INPP4B: variants seen among roughly 807,000 people sequenced by gnomAD.
INPP4B encodes the protein inositol polyphosphate-4-phosphatase type II B.
INPP4B carries 55 observed loss-of-function variants against 122.5 expected under a neutral mutation model. That is an observed-to-expected ratio of 0.45 (90% confidence interval 0.36 to 0.56). INPP4B has a LOEUF of 0.56. Among genes scored for constraint, INPP4B ranks in the 20% least tolerant of loss-of-function variants. The pLI is 0.00. For synonymous variants in INPP4B, 403 were observed against 388.7 expected, an observed-to-expected ratio of 1.04 and a Z score of -0.43; for missense variants, 1,000 against 1,097.7, an observed-to-expected ratio of 0.91 and a Z score of 1.26.
At chr4:142,309,596 G>T (rs71608477) in intron 8 of INPP4B, among the ~76,000 whole-genome samples, 4,344 of 152,242 alleles carry the variant, frequency 0.029, 77 homozygotes, top group Middle Eastern at 0.068. Context: ...TAGAACCCAG[G>T]TTTCTTGCTT....
chr4:142,160,340 G>A lies in INPP4B; in HGVS notation c.1563+18C>T, dbSNP rs530573137. ...CATTGCCAAACATTGAGAGGCAAGC[G>A]ATATACAAGAGACTTACCCACTCTT... On this transcript the variant is annotated intron_variant, in intron 17 of 25. Transcript: ENST00000262992. 1.1e-5 allele frequency: 15 copies of A among 1,395,514 alleles called. No individual in the cohort carries two copies. The Admixed American group carries it at 1.2e-4, about 11-fold the overall frequency. 86.4% of individuals were successfully genotyped at this position (1,395,514 alleles called of 1,614,324 possible).
At chr4:142,651,633 A>C (rs1322992633) in intron 2 of INPP4B, among the ~76,000 whole-genome samples, 1 of 152,220 alleles carries the variant, frequency 6.6e-6, no homozygotes, top group Non-Finnish European at 1.5e-5. Flanking sequence ...GAAATGGATA[A>C]GTTCCTGGAC....
chr4:142,449,273 T>C (rs1813619139), intron 3 of INPP4B, among the ~76,000 whole-genome samples: 1 of 152,206 alleles, frequency 6.6e-6, no homozygotes, highest in Non-Finnish European at 1.5e-5. Context: ...CCCATGGATC[T>C]AGCAAGACCA....
intron 5 of INPP4B, among the ~76,000 whole-genome samples, chr4:142,426,272 C>A (rs910883934): frequency 6.6e-6 from 1 of 151,938 alleles, no homozygotes; most frequent in South Asian, 2.1e-4. Flanking sequence ...CTCCTTTATA[C>A]ATTTTCCACA....
At chr4:142,163,738 GA>G (rs1258721618) in intron 16 of INPP4B, among the ~76,000 whole-genome samples, 1 of 151,782 alleles carries the variant, frequency 6.6e-6, no homozygotes, top group East Asian at 1.9e-4. Context: ...GGGCGTCTTG[GA>G]ACATATCCTC....
Position 142,463,319 on chromosome 4 carries a change from G to T in INPP4B, c.-190-593C>A, listed in dbSNP as rs562945973. On this transcript the variant is annotated intron_variant, in intron 2 of 25. Transcript: ENST00000262992. ...TCTGGTGTCTGAATCACCCAGTGCC[G>T]CATGCTTATGTGAGTGACATCTAAT... Among the ~76,000 whole-genome samples the T allele has an allele frequency of 3.9e-5, 6 of 152,230 alleles. 1 individual carries two copies. The South Asian group carries it at 1.2e-3, about 32-fold the overall frequency.
At chr4:142,834,332 C>T (rs1308325359) in intron 1 of INPP4B, among the ~76,000 whole-genome samples, 1 of 152,090 alleles carries the variant, frequency 6.6e-6, no homozygotes, top group Non-Finnish European at 1.5e-5. Flanking sequence ...ACTCAAATAC[C>T]AAAACCTGTC....
intron 1 of INPP4B, among the ~76,000 whole-genome samples, chr4:142,828,937 A>C (rs1189902888): frequency 1.3e-5 from 2 of 152,026 alleles, no homozygotes; most frequent in Admixed American, 1.3e-4. Context: ...CTGCCCTCAG[A>C]AAGCTGACCT....
chr4:142,810,331 C>T (rs541505702), intron 1 of INPP4B, among the ~76,000 whole-genome samples: 13 of 151,974 alleles, frequency 8.6e-5, no homozygotes, highest in Admixed American at 5.9e-4. Flanking sequence ...GTGAGGCTGC[C>T]ACTTATTATT....
intron 10 of INPP4B, among the ~76,000 whole-genome samples, chr4:142,261,953 TTGA>T (rs768943367): frequency 6.6e-6 from 1 of 152,124 alleles, no homozygotes; most frequent in Non-Finnish European, 1.5e-5. Context: ...CTCTTAAAAT[TTGA>T]TGTTCTCTAA....
At chr4:142,584,161 A>G (rs753772295) in intron 2 of INPP4B, among the ~76,000 whole-genome samples, 1 of 152,046 alleles carries the variant, frequency 6.6e-6, no homozygotes, top group East Asian at 1.9e-4. Context: ...CAACATTTTT[A>G]TAAATATATC....
chr4:142,754,288 TC>T (rs1770172939), intron 1 of INPP4B, among the ~76,000 whole-genome samples: 1 of 152,076 alleles, frequency 6.6e-6, no homozygotes. Flanking sequence ...CTCCAGGACA[TC>T]TTTTACTAGT....
intron 2 of INPP4B, chr4:142,660,895 C>T (rs1346424966): frequency 6.6e-6 from 1 of 152,444 alleles, no homozygotes; most frequent in East Asian, 1.9e-4. Flanking sequence ...AAACAGCGCC[C>T]CCTGTCAGCA....
chr4:142,203,158 G>C (rs867666717), intron 14 of INPP4B, among the ~76,000 whole-genome samples: 1 of 152,046 alleles, frequency 6.6e-6, no homozygotes, highest in Non-Finnish European at 1.5e-5. Context: ...CACTCAAGCA[G>C]CTATATCTAA....
intron 7 of INPP4B, among the ~76,000 whole-genome samples, chr4:142,386,337 T>C (rs1374660935): frequency 1.3e-5 from 2 of 152,192 alleles, no homozygotes; most frequent in African/African-American, 2.4e-5. Context: ...GTGATAATGC[T>C]ACAATGAGCA....
intron 1 of INPP4B, among the ~76,000 whole-genome samples, chr4:142,789,860 A>G (rs1261005425): frequency 6.6e-6 from 1 of 152,116 alleles, no homozygotes; most frequent in East Asian, 1.9e-4. Flanking sequence ...AATCACCAAA[A>G]CAGCATGGTA....
At chr4:142,822,559 A>G (rs1780916908) in intron 1 of INPP4B, among the ~76,000 whole-genome samples, 1 of 152,106 alleles carries the variant, frequency 6.6e-6, no homozygotes, top group African/African-American at 2.4e-5. Context: ...TGCACTCCTT[A>G]TGAGAATCTA....
intron 12 of INPP4B, among the ~76,000 whole-genome samples, chr4:142,219,469 C>T (rs1848534309): frequency 6.6e-6 from 1 of 152,118 alleles, no homozygotes; most frequent in Non-Finnish European, 1.5e-5. Flanking sequence ...TAAACATGGC[C>T]AGCATTTATT....
chr4:142,207,614 C>T (rs1218409349), intron 14 of INPP4B, among the ~76,000 whole-genome samples: 1 of 152,014 alleles, frequency 6.6e-6, no homozygotes, highest in African/African-American at 2.4e-5. Context: ...CAGCATTAGT[C>T]GTTTACACGG....
Sources: gnomAD v4.1 joint callset for allele counts (sites outside exome capture counted in the v4.1 genomes callset) on GRCh38, gnomAD v4.1.1 for gene constraint, MANE v1.5 for transcripts, NCBI Gene and HGNC (gene_info 2026-07-23, HGNC 2026-07-21) for gene names.